TSHZ2: variants seen among roughly 807,000 people sequenced by gnomAD.
The protein encoded by TSHZ2 is teashirt zinc finger homeobox 2, also known as teashirt homolog 2.
A neutral mutation model predicts 74.4 loss-of-function variants in TSHZ2; 21 were observed. That is an observed-to-expected ratio of 0.28 (90% confidence interval 0.20 to 0.41). TSHZ2 has a LOEUF of 0.41. Among genes scored for constraint, TSHZ2 ranks in the 10% least tolerant of loss-of-function variants. The probability of loss-of-function intolerance (pLI) is 1.00; values close to 1 mark genes in which losing one functional copy is unlikely to be tolerated. For missense variants in TSHZ2, 1,244 were observed against 1,293.5 expected (o/e 0.96, Z 0.59); for synonymous variants, 540 against 515.3 (o/e 1.05, Z -0.65).
intron 2 of TSHZ2, among the ~76,000 whole-genome samples, chr20:53,436,663 A>C (rs1267477102): frequency 6.7e-6 from 1 of 149,708 alleles, no homozygotes; most frequent in Admixed American, 6.7e-5. Context: ...CTCCTGCCTC[A>C]GCCTCCCCAG....
At position 53,151,360 on chromosome 20, in the gene TSHZ2, C is replaced by T. The variant is rs1486392798; in HGVS notation, c.41-102139C>T. ...AGCTTAGAGAAAACTTACTTTGACT[C>T]TGGACTAGTCTTTCCTAGCTGGGAG... On this transcript the variant is annotated intron_variant, in intron 1 of 2. Transcript: ENST00000371497. 2.6e-5 allele frequency among the ~76,000 whole-genome samples: 4 copies of T among 152,208 alleles called. 1 individual carries two copies. Among genetic ancestry groups the T allele is most frequent in the Admixed American group, 2.6e-4 (4 of 15,278 alleles).
At chr20:53,075,761 A>G (rs1985346025) in intron 1 of TSHZ2, among the ~76,000 whole-genome samples, 1 of 152,160 alleles carries the variant, frequency 6.6e-6, no homozygotes, top group African/African-American at 2.4e-5. Flanking sequence ...TTCAGTTTTT[A>G]AACTGGGAGA....
At chr20:53,223,715 T>C (rs980105913) in intron 1 of TSHZ2, among the ~76,000 whole-genome samples, 1 of 152,108 alleles carries the variant, frequency 6.6e-6, no homozygotes, top group African/African-American at 2.4e-5. Flanking sequence ...TTCTATCACA[T>C]TCTTGTAATG....
chr20:52,991,411 G>C, intron 1 of TSHZ2, among the ~76,000 whole-genome samples: 1 of 145,096 alleles, frequency 6.9e-6, no homozygotes, highest in Admixed American at 6.8e-5. Flanking sequence ...GTTGTGGGGG[G>C]AGAGAGTGTG....
At chr20:53,154,105 C>G (rs759936363) in intron 1 of TSHZ2, among the ~76,000 whole-genome samples, 2 of 152,210 alleles carry the variant, frequency 1.3e-5, no homozygotes, top group Non-Finnish European at 1.5e-5. Flanking sequence ...GACAGAGCTT[C>G]GCAGTCACAT....
intron 1 of TSHZ2, among the ~76,000 whole-genome samples, chr20:53,009,253 G>A (rs1184359293): frequency 6.6e-6 from 1 of 152,060 alleles, no homozygotes. Flanking sequence ...CTGGAGAATC[G>A]GTTGAATCAG....
At chr20:53,350,079 C>A (rs540625222) in intron 2 of TSHZ2, among the ~76,000 whole-genome samples, 1 of 152,228 alleles carries the variant, frequency 6.6e-6, no homozygotes. Flanking sequence ...TATAAGGACC[C>A]CTGTGATTAC....
At chr20:53,417,269 CA>C in intron 2 of TSHZ2, among the ~76,000 whole-genome samples, 1 of 151,262 alleles carries the variant, frequency 6.6e-6, no homozygotes, top group South Asian at 2.1e-4. Context: ...CACACACACA[CA>C]CACACACACC....
intron 1 of TSHZ2, among the ~76,000 whole-genome samples, chr20:53,213,419 A>G (rs1207910859): frequency 6.6e-6 from 1 of 152,176 alleles, no homozygotes; most frequent in Non-Finnish European, 1.5e-5. Flanking sequence ...AGCTAATAGG[A>G]ACCACCCAGC....
At chr20:53,230,119 T>C (rs1192266916) in intron 1 of TSHZ2, among the ~76,000 whole-genome samples, 1 of 152,168 alleles carries the variant, frequency 6.6e-6, no homozygotes, top group African/African-American at 2.4e-5. Flanking sequence ...CCACCTGTTC[T>C]AGTATGAACC....
At chr20:53,283,607 A>G (rs1018756561) in intron 2 of TSHZ2, among the ~76,000 whole-genome samples, 1 of 152,240 alleles carries the variant, frequency 6.6e-6, no homozygotes, top group African/African-American at 2.4e-5. Context: ...TAGTAAGAAG[A>G]ATAAACATAT....
intron 2 of TSHZ2, among the ~76,000 whole-genome samples, chr20:53,451,138 C>T (rs1984765102): frequency 6.6e-6 from 1 of 152,128 alleles, no homozygotes; most frequent in Non-Finnish European, 1.5e-5. Flanking sequence ...AGATAAAGAA[C>T]AGTCTCAAGT....
chr20:53,139,851 T>G lies in TSHZ2; in HGVS notation c.41-113648T>G, dbSNP rs185332442. On this transcript the variant is annotated intron_variant, in intron 1 of 2. Transcript: ENST00000371497. ...CACACTAAACCATACCTATCAGTGATAGCTGCCCTAAGAAGCTTTTTTGCA... is the reference window on the plus strand; with the variant it reads ...CACACTAAACCATACCTATCAGTGAGAGCTGCCCTAAGAAGCTTTTTTGCA... Among the ~76,000 whole-genome samples the G allele has an allele frequency of 9.8e-5, 15 of 152,362 alleles. No homozygotes were observed. The East Asian group carries it at 2.5e-3, about 25-fold the overall frequency.
At chr20:53,459,490 A>G (rs1985260185) in intron 2 of TSHZ2, among the ~76,000 whole-genome samples, 1 of 147,424 alleles carries the variant, frequency 6.8e-6, no homozygotes, top group Non-Finnish European at 1.5e-5. Context: ...CAGCACACTG[A>G]TGGGTCTTGA....
chr20:53,428,543 A>G (rs1301996498), intron 2 of TSHZ2, among the ~76,000 whole-genome samples: 5 of 152,226 alleles, frequency 3.3e-5, no homozygotes, highest in Non-Finnish European at 7.3e-5. Context: ...AATTGTCATG[A>G]ATTGCAGATA....
Position 53,489,341 on chromosome 20 carries a change from A to C in TSHZ2, c.*2206A>C, listed in dbSNP as rs1986384204. ...GAAAGGAACAGTCTTCAGATGGGTT[A>C]AGATTGAAGGGTGGACTGGACTCTA... is the stretch of plus-strand genomic sequence containing the variant. On this transcript the variant is annotated 3_prime_UTR_variant, in exon 3 of 3. Coordinates refer to ENST00000371497, the MANE Select transcript of TSHZ2 (RefSeq NM_173485.6). 2.7e-6 allele frequency: 1 copy of C among 374,844 alleles called. No individual in the cohort carries two copies. Among genetic ancestry groups the C allele is most frequent in the South Asian group, 2.0e-5 (1 of 49,656 alleles). The allele number at this position is 374,844 out of a possible 1,614,324, so 23.2% of individuals were successfully genotyped here. A position where few individuals can be genotyped will look rare whatever the true frequency, so the allele number is the denominator to read the frequency against.
At chr20:53,240,122 G>A (rs1445642735) in intron 1 of TSHZ2, among the ~76,000 whole-genome samples, 2 of 152,108 alleles carry the variant, frequency 1.3e-5, no homozygotes, top group African/African-American at 4.8e-5. Flanking sequence ...TACTAGCAAA[G>A]CTCCTAAAAG....
chr20:53,288,831 T>C (rs999156512), intron 2 of TSHZ2, among the ~76,000 whole-genome samples: 1 of 152,228 alleles, frequency 6.6e-6, no homozygotes, highest in African/African-American at 2.4e-5. Context: ...TTTAATTTAA[T>C]TCAATGGTTT....
chr20:52,983,055 TG>T (rs2122884596), intron 1 of TSHZ2, among the ~76,000 whole-genome samples: 1 of 152,228 alleles, frequency 6.6e-6, no homozygotes, highest in East Asian at 1.9e-4. Flanking sequence ...ATGATAGAGG[TG>T]GCAGCTGGAG....
Sources: allele counts gnomAD v4.1 joint callset (sites outside exome capture counted in the v4.1 genomes callset), GRCh38; gene constraint gnomAD v4.1.1; transcripts MANE v1.5; gene names NCBI Gene and HGNC (gene_info 2026-07-23, HGNC 2026-07-21).